Variants in NCAM2 observed in about 807,000 individuals in gnomAD.
NCAM2 encodes N-CAM-2.
Under a neutral mutation model 98.1 loss-of-function variants are expected in NCAM2, and 30 were observed. That is an observed-to-expected ratio of 0.31 (90% confidence interval 0.23 to 0.41). NCAM2 has a LOEUF of 0.41. NCAM2 is among the 10% of genes least tolerant of loss of function. The pLI is 1.00. For synonymous variants in NCAM2, 368 were observed against 342.4 expected, an observed-to-expected ratio of 1.07 and a Z score of -0.83; for missense variants, 867 against 1,005.8, an observed-to-expected ratio of 0.86 and a Z score of 1.87.
intron 5 of NCAM2, among the ~76,000 whole-genome samples, chr21:21,312,707 A>C (rs1016634956): frequency 6.6e-6 from 1 of 151,844 alleles, no homozygotes; most frequent in Non-Finnish European, 1.5e-5. Context: ...GACATGTTAA[A>C]TTATCAGCAT....
intron 1 of NCAM2, among the ~76,000 whole-genome samples, chr21:21,210,342 G>T (rs1000709644): frequency 6.6e-6 from 1 of 152,212 alleles, no homozygotes; most frequent in African/African-American, 2.4e-5. Flanking sequence ...ATCATTTGAG[G>T]TTCATAACCT....
At chr21:21,533,260 C>T (rs1752875588) in intron 16 of NCAM2, among the ~76,000 whole-genome samples, 1 of 140,282 alleles carries the variant, frequency 7.1e-6, no homozygotes, top group Admixed American at 8.1e-5. Flanking sequence ...ATAACAGTTT[C>T]CCTGCTCTGA....
At chr21:21,528,172 T>G (rs1249799431) in intron 16 of NCAM2, among the ~76,000 whole-genome samples, 1 of 152,138 alleles carries the variant, frequency 6.6e-6, no homozygotes, top group African/African-American at 2.4e-5. Flanking sequence ...ACTAAAAAGA[T>G]CAGTGGTTGC....
At chr21:21,334,986 T>C (rs1192269358) in intron 6 of NCAM2, among the ~76,000 whole-genome samples, 1 of 152,120 alleles carries the variant, frequency 6.6e-6, no homozygotes, top group Admixed American at 6.5e-5. Flanking sequence ...TTCATGTAAT[T>C]CTCTCATCTT....
At chr21:21,245,643 C>A (rs1216290579) in intron 1 of NCAM2, among the ~76,000 whole-genome samples, 2 of 152,336 alleles carry the variant, frequency 1.3e-5, no homozygotes, top group African/African-American at 2.4e-5. Flanking sequence ...AAATATTTCA[C>A]TGCACTGATT....
intron 1 of NCAM2, among the ~76,000 whole-genome samples, chr21:21,198,718 A>G (rs1479243118): frequency 2.6e-5 from 4 of 152,218 alleles, no homozygotes; most frequent in African/African-American, 9.6e-5. Flanking sequence ...TACTGTGGCT[A>G]TAAACTTCCC....
At chr21:21,134,629 T>C (rs537049688) in intron 1 of NCAM2, among the ~76,000 whole-genome samples, 3 of 152,322 alleles carry the variant, frequency 2.0e-5, no homozygotes, top group African/African-American at 7.2e-5. Flanking sequence ...AAATGAGATA[T>C]AGTCTTTAGA....
intron 8 of NCAM2, among the ~76,000 whole-genome samples, chr21:21,354,079 A>T (rs1461715910): frequency 6.6e-6 from 1 of 152,190 alleles, no homozygotes; most frequent in Non-Finnish European, 1.5e-5. Flanking sequence ...AATTTTATGT[A>T]TATGAATATA....
intron 5 of NCAM2, among the ~76,000 whole-genome samples, chr21:21,303,098 G>A (rs1420704975): frequency 6.6e-6 from 1 of 151,912 alleles, no homozygotes; most frequent in African/African-American, 2.4e-5. Flanking sequence ...CAGAATACTA[G>A]AGCAGGGAGG....
At chr21:21,374,428 A>G (rs1375331683) in intron 9 of NCAM2, among the ~76,000 whole-genome samples, 2 of 151,934 alleles carry the variant, frequency 1.3e-5, no homozygotes, top group Non-Finnish European at 2.9e-5. Flanking sequence ...TTACATTTTC[A>G]TAAACTATAA....
At chr21:21,483,237 A>G (rs1010941684) in intron 15 of NCAM2, among the ~76,000 whole-genome samples, 5 of 152,094 alleles carry the variant, frequency 3.3e-5, no homozygotes, top group African/African-American at 4.8e-5. Flanking sequence ...AATATTGACT[A>G]TCAATATAAT....
chr21:21,037,229 G>A (rs2064817775), intron 1 of NCAM2, among the ~76,000 whole-genome samples: 1 of 152,120 alleles, frequency 6.6e-6, no homozygotes, highest in African/African-American at 2.4e-5. Flanking sequence ...TTTTCCCCAT[G>A]TTGCTGAGGC....
intron 1 of NCAM2, among the ~76,000 whole-genome samples, chr21:21,212,745 T>TC (rs2069708026): frequency 6.7e-6 from 1 of 149,284 alleles, no homozygotes; most frequent in Non-Finnish European, 1.5e-5. Flanking sequence ...ATCTGTGCTT[T>TC]TTTTTTTTTT....
chr21:21,205,742 G>T (rs1045736288), intron 1 of NCAM2, among the ~76,000 whole-genome samples: 1 of 152,102 alleles, frequency 6.6e-6, no homozygotes, highest in Non-Finnish European at 1.5e-5. Flanking sequence ...CCTATAAGCA[G>T]CAGAGATGTA....
At chr21:21,328,231 C>T (rs1303831715) in intron 6 of NCAM2, among the ~76,000 whole-genome samples, 1 of 152,072 alleles carries the variant, frequency 6.6e-6, no homozygotes, top group Non-Finnish European at 1.5e-5. Flanking sequence ...TTGGTAGTTA[C>T]ACTAGTGTAA....
At chr21:21,134,066 T>C (rs1361224160) in intron 1 of NCAM2, among the ~76,000 whole-genome samples, 380 of 3,192 alleles carry the variant, frequency 0.12, no homozygotes, top group African/African-American at 0.16. Context: ...CTTCCTCTCT[T>C]TTTTTTTTTT....
intron 1 of NCAM2, among the ~76,000 whole-genome samples, chr21:21,188,172 A>G (rs1467999189): frequency 4.6e-5 from 7 of 152,204 alleles, no homozygotes; most frequent in African/African-American, 7.2e-5. Context: ...CCTATAAGGA[A>G]GTACAAGTAA....
At chr21:21,355,245 C>A (rs185718396) in intron 8 of NCAM2, among the ~76,000 whole-genome samples, 1 of 151,828 alleles carries the variant, frequency 6.6e-6, no homozygotes, top group African/African-American at 2.4e-5. Flanking sequence ...CCCAGCCTGG[C>A]CAACATGGCA....
intron 1 of NCAM2, among the ~76,000 whole-genome samples, chr21:21,160,691 G>A (rs1270341716): frequency 4.0e-5 from 6 of 151,838 alleles, no homozygotes; most frequent in Non-Finnish European, 7.4e-5. Flanking sequence ...TGTTGTGTAT[G>A]CAAGACAATA....
Sources: gnomAD v4.1 joint callset for allele counts (sites outside exome capture counted in the v4.1 genomes callset) on GRCh38, gnomAD v4.1.1 for gene constraint, MANE v1.5 for transcripts, NCBI Gene and HGNC (gene_info 2026-07-23, HGNC 2026-07-21) for gene names.